The following NLGN4X variants were observed in gnomAD, a reference collection of about 807,000 sequenced individuals.
NLGN4X encodes the protein neuroligin 4 X-linked.
NLGN4X carries 3 observed loss-of-function variants against 40.3 expected under a neutral mutation model. That is an observed-to-expected ratio of 0.07 (90% CI 0.03 to 0.19). The LOEUF (loss-of-function observed/expected upper bound fraction) is 0.19, where lower values mean the gene tolerates loss of function less well. Ranked by LOEUF, NLGN4X falls within the 10% of genes least tolerant of loss-of-function variation. The probability of loss-of-function intolerance (pLI) is 1.00; values close to 1 mark genes in which losing one functional copy is unlikely to be tolerated. For missense variants in NLGN4X, 382 were observed against 708.3 expected, an observed-to-expected ratio of 0.54 and a Z score of 5.23; for synonymous variants, 270 against 306.8, an observed-to-expected ratio of 0.88 and a Z score of 1.25.
At chrX:6,186,999 G>A (rs1010361728) in intron 1 of NLGN4X, 37 of 109,989 alleles carry the variant, frequency 3.4e-4, no homozygotes, top group Admixed American at 2.8e-3. Flanking sequence ...ACAGTGGTAC[G>A]ATCTCAGCTC....
intron 3 of NLGN4X, among the ~76,000 whole-genome samples, chrX:6,028,426 C>T (rs981653549): frequency 7.3e-5 from 8 of 110,087 alleles, no homozygotes; most frequent in Admixed American, 2.9e-4. Flanking sequence ...TTTGGAAGGC[C>T]GAGGCAGGCG....
At chrX:6,098,646 C>T (rs914244650) in intron 2 of NLGN4X, among the ~76,000 whole-genome samples, 2 of 111,827 alleles carry the variant, frequency 1.8e-5, no homozygotes, top group Admixed American at 9.5e-5. Flanking sequence ...TCCAGCTTCC[C>T]CTCCTGCCTA....
chrX:5,922,398 C>T (rs1350100627), intron 3 of NLGN4X, among the ~76,000 whole-genome samples: 2 of 111,474 alleles, frequency 1.8e-5, no homozygotes, highest in South Asian at 3.8e-4. Context: ...AATGGATATG[C>T]TAATTACTTA....
intron 2 of NLGN4X, among the ~76,000 whole-genome samples, chrX:6,123,664 T>C (rs2039475723): frequency 9.1e-6 from 1 of 109,556 alleles, no homozygotes; most frequent in Non-Finnish European, 1.9e-5. Flanking sequence ...AAATGTTTGA[T>C]AGCTAATAAG....
At chrX:6,106,851 T>A (rs914387877) in intron 2 of NLGN4X, among the ~76,000 whole-genome samples, 1 of 111,927 alleles carries the variant, frequency 8.9e-6, no homozygotes, top group Non-Finnish European at 1.9e-5. Flanking sequence ...GAACTAGGAA[T>A]CAGCGGTTAT....
At chrX:5,932,383 A>G (rs1029503073) in intron 3 of NLGN4X, among the ~76,000 whole-genome samples, 20 of 111,760 alleles carry the variant, frequency 1.8e-4, no homozygotes, top group Non-Finnish European at 3.6e-4. Flanking sequence ...TAAGGAGAAC[A>G]CAGGCTAAAT....
intron 3 of NLGN4X, among the ~76,000 whole-genome samples, chrX:6,011,744 C>T (rs6529911): frequency 0.074 from 8,219 of 110,952 alleles, 700 homozygotes; most frequent in African/African-American, 0.24. Context: ...CTTGTTTGAA[C>T]GTTATGTAAT....
chrX:5,977,414 G>T (rs1354425810), intron 3 of NLGN4X, among the ~76,000 whole-genome samples: 1 of 109,383 alleles, frequency 9.1e-6, no homozygotes, highest in Non-Finnish European at 1.9e-5. Context: ...TAGAGATGGG[G>T]TCTCACTATG....
At chrX:5,997,615 CATAT>C (rs34376573) in intron 3 of NLGN4X, among the ~76,000 whole-genome samples, 38 of 41,294 alleles carry the variant, frequency 9.2e-4, no homozygotes, top group African/African-American at 1.7e-3. Context: ...TATATATACA[CATAT>C]ATATATATAT....
intron 1 of NLGN4X, among the ~76,000 whole-genome samples, chrX:6,177,429 G>C (rs2147791219): frequency 8.9e-6 from 1 of 112,109 alleles, no homozygotes; most frequent in South Asian, 3.8e-4. Context: ...TAATCCCAAA[G>C]TGCTGGGATT....
intron 2 of NLGN4X, among the ~76,000 whole-genome samples, chrX:6,145,400 G>T (rs932019884): frequency 6.2e-5 from 7 of 112,269 alleles, no homozygotes; most frequent in Admixed American, 1.9e-4. Flanking sequence ...AATGCTTCCA[G>T]GTGTGTCTAA....
intron 2 of NLGN4X, among the ~76,000 whole-genome samples, chrX:6,142,988 C>T (rs1220700802): frequency 3.6e-5 from 4 of 112,103 alleles, no homozygotes; most frequent in African/African-American, 1.3e-4. Context: ...TACCCCTCTA[C>T]TACTACAATA....
At chrX:6,170,486 T>C (rs745850037) in intron 1 of NLGN4X, among the ~76,000 whole-genome samples, 1 of 112,266 alleles carries the variant, frequency 8.9e-6, no homozygotes, top group Non-Finnish European at 1.9e-5. Context: ...TGCTTTTAAC[T>C]GTCATATTCA....
intron 2 of NLGN4X, among the ~76,000 whole-genome samples, chrX:6,092,841 T>C (rs1178352706): frequency 9.1e-6 from 1 of 110,469 alleles, no homozygotes; most frequent in Non-Finnish European, 1.9e-5. Flanking sequence ...TCTGGGAAAA[T>C]CTTACAAAAA....
chrX:5,992,127 C>T (rs1261671882), intron 3 of NLGN4X, among the ~76,000 whole-genome samples: 1 of 111,741 alleles, frequency 8.9e-6, no homozygotes, highest in Non-Finnish European at 1.9e-5. Context: ...TATAATTTTA[C>T]TATCTTTAGA....
chrX:6,087,034 T>A (rs1039663291), intron 2 of NLGN4X, among the ~76,000 whole-genome samples: 5 of 111,972 alleles, frequency 4.5e-5, no homozygotes, highest in African/African-American at 1.6e-4. Flanking sequence ...CATGAAATCA[T>A]CTTTTTCTCA....
chrX:5,979,658 CT>C (rs2035312120), intron 3 of NLGN4X, among the ~76,000 whole-genome samples: 1 of 109,178 alleles, frequency 9.2e-6, no homozygotes, highest in African/African-American at 3.3e-5. Flanking sequence ...GGTGAACTGC[CT>C]GTTCAATTTT....
intron 1 of NLGN4X, among the ~76,000 whole-genome samples, chrX:6,223,210 G>A (rs1413169381): frequency 9.1e-6 from 1 of 110,267 alleles, no homozygotes; most frequent in Non-Finnish European, 1.9e-5. Flanking sequence ...GTTGGGGTTA[G>A]GTCTGTTCTC....
chrX:6,032,343 A>T, intron 2 of NLGN4X, among the ~76,000 whole-genome samples: 1 of 102,454 alleles, frequency 9.8e-6, no homozygotes, highest in Non-Finnish European at 2.0e-5. Context: ...AACATTTGGA[A>T]GGGAGAAAAT....
Sources: gnomAD v4.1 joint callset for allele counts (sites outside exome capture counted in the v4.1 genomes callset) on GRCh38, gnomAD v4.1.1 for gene constraint, MANE v1.5 for transcripts, NCBI Gene and HGNC (gene_info 2026-07-23, HGNC 2026-07-21) for gene names.